Variants in HTR4 observed in about 807,000 individuals in gnomAD.
HTR4 encodes 5-hydroxytryptamine (serotonin) receptor 4, G protein-coupled.
HTR4 carries 16 observed loss-of-function variants against 36.8 expected under a neutral mutation model. The ratio of observed to expected loss-of-function variants is 0.43; its 90% CI spans 0.29 to 0.66. HTR4 has a LOEUF of 0.66. Ranked by LOEUF, HTR4 falls within the 30% of genes least tolerant of loss-of-function variation. HTR4 has a pLI of 0.13. For missense variants in HTR4, 438 were observed against 490.9 expected, an observed-to-expected ratio of 0.89 and a Z score of 1.02; for synonymous variants, 189 against 185.1, an observed-to-expected ratio of 1.02 and a Z score of -0.17.
In HTR4 at chr5:148,581,772, G is replaced by A. The variant is rs557837552; in HGVS notation, c.27-31510C>T. On this transcript the variant is annotated intron_variant, in intron 2 of 6. Transcript: ENST00000377888. ...ATATATTCTCAAATCAGAAATTTTGGTAGCTCCAGCTTTGTTCTTACTATT... is the reference window on the plus strand; with the variant it reads ...ATATATTCTCAAATCAGAAATTTTGATAGCTCCAGCTTTGTTCTTACTATT... Among the ~76,000 whole-genome samples, 234 of 152,088 alleles carry A rather than the reference G, an allele frequency of 1.5e-3. 1 individual carries two copies. Among genetic ancestry groups the A allele is most frequent in the African/African-American group, 5.4e-3 (224 of 41,526 alleles).
intron 5 of HTR4, among the ~76,000 whole-genome samples, chr5:148,467,391 A>G (rs553745811): frequency 1.1e-3 from 160 of 152,230 alleles, no homozygotes; most frequent in African/African-American, 3.6e-3. Flanking sequence ...TTTGGATGCA[A>G]CCCTTAAGGA....
chr5:148,598,842 A>G (rs972711057), intron 2 of HTR4, among the ~76,000 whole-genome samples: 74 of 152,300 alleles, frequency 4.9e-4, no homozygotes, highest in Middle Eastern at 3.4e-3. Flanking sequence ...AGCTATCTGG[A>G]GTTGTAAGAC....
chr5:148,533,718 A>C lies in HTR4; in HGVS notation c.354-10372T>G, dbSNP rs1758682429. On this transcript the variant is annotated intron_variant, in intron 4 of 6. Coordinates refer to ENST00000377888, the MANE Select transcript of HTR4 (RefSeq NM_000870.7). Reference sequence around the variant, plus strand: ...AACTCCTTAGTAGCTCTGTGGTCTTAGAATCAGTTACTAACCTCAAGAAGA... The same window carrying C: ...AACTCCTTAGTAGCTCTGTGGTCTTCGAATCAGTTACTAACCTCAAGAAGA... Among the ~76,000 whole-genome samples the C allele has an allele frequency of 2.0e-5, 3 of 152,194 alleles. No homozygotes were observed. In the South Asian group the frequency reaches 6.2e-4, roughly 31 times the overall value.
At chr5:148,589,369 G>T (rs1039250018) in intron 2 of HTR4, among the ~76,000 whole-genome samples, 13 of 152,126 alleles carry the variant, frequency 8.5e-5, no homozygotes, top group African/African-American at 3.1e-4. Context: ...CATTCTGCCA[G>T]CCCTTGTTGT....
intron 2 of HTR4, among the ~76,000 whole-genome samples, chr5:148,633,303 A>G (rs1753393756): frequency 6.6e-6 from 1 of 152,100 alleles, no homozygotes; most frequent in African/African-American, 2.4e-5. Context: ...TAAAATCAAG[A>G]CCTAGTATGA....
At chr5:148,456,067 C>G (rs1755095170) in intron 5 of HTR4, among the ~76,000 whole-genome samples, 1 of 152,016 alleles carries the variant, frequency 6.6e-6, no homozygotes, top group South Asian at 2.1e-4. Flanking sequence ...GTTCCTCTCA[C>G]CATGGTATGG....
At chr5:148,560,440 C>G (rs866558039) in intron 2 of HTR4, among the ~76,000 whole-genome samples, 1 of 152,130 alleles carries the variant, frequency 6.6e-6, no homozygotes, top group African/African-American at 2.4e-5. Context: ...ATGCTGATGT[C>G]GATGCTGGTC....
chr5:148,651,201 C>A (rs536049950), intron 1 of HTR4, among the ~76,000 whole-genome samples: 1 of 152,204 alleles, frequency 6.6e-6, no homozygotes, highest in East Asian at 1.9e-4. Flanking sequence ...TTAATGTGGG[C>A]TATTAAGATT....
At chr5:148,462,074 T>C (rs987252004) in intron 5 of HTR4, 5 of 151,792 alleles carry the variant, frequency 3.3e-5, no homozygotes, top group Admixed American at 2.6e-4. Context: ...TGAAGAAAGA[T>C]CTAAAATCAG....
chr5:148,610,080 ATGT>A (rs1479191178), intron 2 of HTR4, among the ~76,000 whole-genome samples: 6 of 152,234 alleles, frequency 3.9e-5, no homozygotes, highest in Non-Finnish European at 7.3e-5. Context: ...TTCTAATATG[ATGT>A]TGTCCTTCCA....
chr5:148,548,540 T>C (rs1759501637), intron 4 of HTR4, 128 bp downstream of exon 4: 1 of 825,980 alleles, frequency 1.2e-6, no homozygotes, highest in Non-Finnish European at 1.9e-6. Context: ...ACTGTATAAC[T>C]GAATTATCAA....
chr5:148,602,517 G>A (rs1044151016), intron 2 of HTR4, among the ~76,000 whole-genome samples: 21 of 152,010 alleles, frequency 1.4e-4, no homozygotes, highest in African/African-American at 3.6e-4. Flanking sequence ...AAATGTATAC[G>A]TTATAAGAAA....
Position 148,481,804 on chromosome 5 carries a change from G to GC in HTR4, c.*1398dup, listed in dbSNP as rs1319269079. Reference sequence around the variant, plus strand: ...CCGGGACTTCTGCTATGGGGCATTCGCAAGAGCCACTGACTCAGCTTTGAA... The same window carrying GC: ...CCGGGACTTCTGCTATGGGGCATTCGCCAAGAGCCACTGACTCAGCTTTGAA... On this transcript the variant is annotated 3_prime_UTR_variant, in exon 7 of 7. Transcript: ENST00000377888. 4 of 1,352,170 alleles carry GC rather than the reference G, an allele frequency of 3.0e-6. No individual in the cohort carries two copies. The African/African-American group carries it at 5.9e-5, about 20-fold the overall frequency. 83.8% of individuals were successfully genotyped at this position (1,352,170 alleles called of 1,614,324 possible). A position where few individuals can be genotyped will look rare whatever the true frequency, so the allele number is the denominator to read the frequency against.
At position 148,542,937 on chromosome 5, in the gene HTR4, A is replaced by AT. The variant is rs1491108758; in HGVS notation, c.353+5730dup. 2.6e-5 allele frequency among the ~76,000 whole-genome samples: 4 copies of AT among 152,214 alleles called. No individual in the cohort carries two copies. The East Asian group carries it at 7.7e-4, about 29-fold the overall frequency. On this transcript the variant is annotated intron_variant, in intron 4 of 6. Coordinates refer to ENST00000377888, the MANE Select transcript of HTR4 (RefSeq NM_000870.7). Reference sequence around the variant, plus strand: ...GTGAGAACTGCTATTTCTTCACACCATATGTTTTTGGTAAAGCTGGGAGTC... The same window carrying AT: ...GTGAGAACTGCTATTTCTTCACACCATTATGTTTTTGGTAAAGCTGGGAGTC...
intron 2 of HTR4, among the ~76,000 whole-genome samples, chr5:148,581,470 T>C (rs1761132726): frequency 6.6e-6 from 1 of 152,096 alleles, no homozygotes. Context: ...ATTTTATGGA[T>C]TTAGATCTTA....
chr5:148,584,066 T>C (rs561099967), intron 2 of HTR4, among the ~76,000 whole-genome samples: 5 of 152,202 alleles, frequency 3.3e-5, no homozygotes, highest in Admixed American at 1.3e-4. Context: ...CAACTTTTAG[T>C]GGAGAAAGGT....
At position 148,509,925 on chromosome 5, in the gene HTR4, T is replaced by A. The variant is rs772144109; in HGVS notation, c.607A>T (p.Ile203Phe). The change falls in exon 6 of 7, where the codon ATC becomes TTC. Residue 203 changes from isoleucine to phenylalanine, a missense_variant. Ile to Phe is a conservative substitution (Grantham distance 21). Transcript: ENST00000377888. ...GCCAGCACCATGAGGAGAAATGGGA[T>A]GTAGAAGGCCACCACAGAGCAGGTG... The part of the protein sequence containing the change: ...AITCSVVAFY[I>F]PFLLMVLAYY... 6.2e-7 allele frequency: 1 copy of A among 1,613,906 alleles called. No homozygotes were observed. The highest frequency in any genetic ancestry group is 2.2e-5 in the East Asian group (1 of 44,828).
At chr5:148,574,828 C>T (rs1429045739) in intron 2 of HTR4, among the ~76,000 whole-genome samples, 1 of 152,092 alleles carries the variant, frequency 6.6e-6, no homozygotes, top group African/African-American at 2.4e-5. Flanking sequence ...CCACCCACCA[C>T]AGAATTCATT....
At chr5:148,471,743 C>T (rs192474902), downstream of HTR4, among the ~76,000 whole-genome samples, 41 of 152,214 alleles carry the variant, frequency 2.7e-4, no homozygotes, top group Non-Finnish European at 4.3e-4. Flanking sequence ...TGTTATTTAA[C>T]GTTGGATTTT....
Sources: gnomAD v4.1 joint callset for allele counts (sites outside exome capture counted in the v4.1 genomes callset) on GRCh38, gnomAD v4.1.1 for gene constraint, MANE v1.5 for transcripts, NCBI Gene and HGNC (gene_info 2026-07-23, HGNC 2026-07-21) for gene names.